Variants in PTPRD observed in about 807,000 individuals in gnomAD.
The protein encoded by PTPRD is receptor-type tyrosine-protein phosphatase delta.
PTPRD carries 34 observed loss-of-function variants against 214.5 expected under a neutral mutation model. That is an observed-to-expected ratio of 0.16 (90% confidence interval 0.12 to 0.21). The LOEUF (loss-of-function observed/expected upper bound fraction) is 0.21. Ranked by LOEUF, PTPRD falls within the 10% of genes least tolerant of loss-of-function variation. The pLI, the probability that PTPRD is intolerant of heterozygous loss-of-function variation, is 1.00. For missense variants in PTPRD, 2,545 were observed against 2,398.7 expected (o/e 1.06, Z -1.27); for synonymous variants, 1,128 against 845.7 (o/e 1.33, Z -5.79).
At chr9:9,992,343 T>A (rs1340530504) in intron 4 of PTPRD, among the ~76,000 whole-genome samples, 1 of 152,192 alleles carries the variant, frequency 6.6e-6, no homozygotes, top group Non-Finnish European at 1.5e-5. Context: ...TATTCTAGCT[T>A]ATCAGTCATC....
intron 11 of PTPRD, among the ~76,000 whole-genome samples, chr9:8,892,107 G>T (rs2098544513): frequency 6.6e-6 from 1 of 152,068 alleles, no homozygotes; most frequent in Admixed American, 6.6e-5. Context: ...TCCACTCCGG[G>T]CTTCTTCTGA....
chr9:9,780,728 G>C (rs995633341), intron 5 of PTPRD, among the ~76,000 whole-genome samples: 1 of 152,164 alleles, frequency 6.6e-6, no homozygotes, highest in Non-Finnish European at 1.5e-5. Context: ...AAGAACCTGT[G>C]CATTAATATT....
chr9:9,044,315 C>A (rs991221867), intron 10 of PTPRD, among the ~76,000 whole-genome samples: 2 of 152,204 alleles, frequency 1.3e-5, no homozygotes, highest in African/African-American at 4.8e-5. Context: ...AAAAAGAACA[C>A]ATATACACAT....
At chr9:8,371,347 C>A (rs1486655863) in intron 39 of PTPRD, among the ~76,000 whole-genome samples, 3 of 151,968 alleles carry the variant, frequency 2.0e-5, no homozygotes, top group Admixed American at 1.3e-4. Context: ...CTTGGACAAG[C>A]AATTATTGAG....
At chr9:8,605,167 C>A (rs970701451) in intron 14 of PTPRD, among the ~76,000 whole-genome samples, 5 of 152,098 alleles carry the variant, frequency 3.3e-5, no homozygotes, top group Non-Finnish European at 5.9e-5. Context: ...AAGCATTTTG[C>A]CAACATAATA....
At chr9:9,778,015 A>T (rs569507655) in intron 5 of PTPRD, among the ~76,000 whole-genome samples, 1 of 152,322 alleles carries the variant, frequency 6.6e-6, no homozygotes, top group African/African-American at 2.4e-5. Context: ...ATTCCTCAAG[A>T]AAGGCAGTGA....
chr9:9,174,856 A>G (rs1232864069), intron 10 of PTPRD, among the ~76,000 whole-genome samples: 1 of 152,086 alleles, frequency 6.6e-6, no homozygotes, highest in Non-Finnish European at 1.5e-5. Context: ...TTTGGACTGA[A>G]TGTTGCTAGC....
chr9:9,765,898 G>C (rs917237669), intron 6 of PTPRD, among the ~76,000 whole-genome samples: 1 of 152,038 alleles, frequency 6.6e-6, no homozygotes, highest in African/African-American at 2.4e-5. Flanking sequence ...TCCTGACCTC[G>C]TGATCCGCCC....
rs1299879772 is a variant in PTPRD at position 8,319,960 on chromosome 9, G to C, written c.5541C>G (p.Gly1847=). 6.2e-7 allele frequency: 1 copy of C among 1,610,906 alleles called. No homozygotes were observed. The highest frequency in any genetic ancestry group is 8.5e-7 in the Non-Finnish European group (1 of 1,178,766). ...DGPISVHCSA[G]VGRTGVFITL... ...TTATGAAGACTCCAGTTCTTCCAAC[G>C]CCCGCGCTGCCACAATAACAAAGGC... The change falls in exon 45 of 46, where the codon GGC becomes GGG. Residue 1847 remains glycine, a synonymous_variant. Transcript: ENST00000381196.
chr9:9,566,803 G>C (rs757394539), intron 8 of PTPRD, among the ~76,000 whole-genome samples: 4 of 151,812 alleles, frequency 2.6e-5, no homozygotes, highest in Non-Finnish European at 4.4e-5. Context: ...GCGTTTCTTC[G>C]GCCTATCTTA....
intron 31 of PTPRD, among the ~76,000 whole-genome samples, chr9:8,470,339 T>C (rs545437258): frequency 2.0e-5 from 3 of 152,284 alleles, no homozygotes; most frequent in African/African-American, 7.2e-5. Flanking sequence ...AATGTCCTTA[T>C]ACAAGAAGAG....
chr9:8,488,588 C>T (rs975227935), intron 27 of PTPRD, among the ~76,000 whole-genome samples: 2 of 152,226 alleles, frequency 1.3e-5, no homozygotes, highest in Non-Finnish European at 2.9e-5. Context: ...CCAACACACA[C>T]TCTCAGAACA....
intron 7 of PTPRD, among the ~76,000 whole-genome samples, chr9:9,628,856 T>C (rs1161982788): frequency 6.6e-6 from 1 of 151,816 alleles, no homozygotes; most frequent in Non-Finnish European, 1.5e-5. Flanking sequence ...TACATATTTA[T>C]ATATAATGAT....
chr9:8,834,595 A>G (rs1021911182), intron 11 of PTPRD, among the ~76,000 whole-genome samples: 1 of 152,192 alleles, frequency 6.6e-6, no homozygotes, highest in Admixed American at 6.5e-5. Context: ...CAGGCATACT[A>G]GTCTTTAAAA....
Position 8,499,699 on chromosome 9 carries a change from C to G in PTPRD, c.2270G>C (p.Gly757Ala), listed in dbSNP as rs942631776. The change falls in exon 25 of 46, where the codon GGT (glycine) becomes GCT (alanine). Residue 757 changes from glycine to alanine, a missense_variant. By Grantham distance (60) the Gly-to-Ala change is moderately conservative (BLOSUM62 0). Coordinates refer to ENST00000381196, the MANE Select transcript of PTPRD (RefSeq NM_002839.4). The stretch of plus-strand genomic sequence containing the variant: ...CAGCATGGGCTGGCCCTTGGGCTCA[C>G]CATTTTCCATCCTCACATAATGCAC... ...YQVHYVRMEN[G>A]EPKGQPMLKD... is the part of the protein sequence containing the mutation. The G allele has an allele frequency of 6.2e-7, 1 of 1,614,076 alleles. No homozygotes were observed. Among genetic ancestry groups the G allele is most frequent in the Non-Finnish European group, 8.5e-7 (1 of 1,179,986 alleles).
intron 21 of PTPRD, among the ~76,000 whole-genome samples, chr9:8,514,442 T>C (rs932105623): frequency 1.3e-5 from 2 of 152,128 alleles, no homozygotes; most frequent in Admixed American, 6.5e-5. Flanking sequence ...TTAAATTTAG[T>C]TAAATTTCAG....
chr9:8,725,334 G>A lies in PTPRD; in HGVS notation c.64+8446C>T, dbSNP rs913681255. ...GCCACTAGAGTTTAAGCTTTTTAGG[G>A]GCAGGGATCATATTGCTTTTAATCC... is the stretch of plus-strand genomic sequence containing the variant. On this transcript the variant is annotated intron_variant, in intron 12 of 45. Coordinates refer to ENST00000381196, the MANE Select transcript of PTPRD (RefSeq NM_002839.4). Among the ~76,000 whole-genome samples, 7 of 152,152 alleles carry A rather than the reference G, an allele frequency of 4.6e-5. No individual in the cohort carries two copies. The East Asian group carries it at 7.7e-4, about 17-fold the overall frequency.
At chr9:9,811,376 G>T (rs1180099572) in intron 5 of PTPRD, among the ~76,000 whole-genome samples, 1 of 152,094 alleles carries the variant, frequency 6.6e-6, no homozygotes. Flanking sequence ...ATCTCATGAT[G>T]AAACTTTAAC....
intron 7 of PTPRD, among the ~76,000 whole-genome samples, chr9:9,721,912 T>G (rs1206208360): frequency 6.6e-6 from 1 of 152,092 alleles, no homozygotes; most frequent in Non-Finnish European, 1.5e-5. Flanking sequence ...CATAAGAATT[T>G]GAGTTGTGAA....
Sources: allele counts gnomAD v4.1 joint callset (sites outside exome capture counted in the v4.1 genomes callset), GRCh38; gene constraint gnomAD v4.1.1; transcripts MANE v1.5; gene names NCBI Gene and HGNC (gene_info 2026-07-23, HGNC 2026-07-21).